Variants in RPTOR observed in about 807,000 individuals in gnomAD.
RPTOR encodes regulatory associated protein of MTOR complex 1.
A neutral mutation model predicts 169.9 loss-of-function variants in RPTOR; 21 were observed. That is an observed-to-expected ratio of 0.12 (90% CI 0.09 to 0.18). The LOEUF (loss-of-function observed/expected upper bound fraction) is 0.18. Among genes scored for constraint, RPTOR ranks in the 10% least tolerant of loss-of-function variants. The pLI is 1.00. For missense variants in RPTOR, 1,133 were observed against 1,855.9 expected, an observed-to-expected ratio of 0.61 and a Z score of 7.16; for synonymous variants, 732 against 753.2, an observed-to-expected ratio of 0.97 and a Z score of 0.46.
At chr17:80,561,045 G>A (rs934472669) in intron 1 of RPTOR, among the ~76,000 whole-genome samples, 4 of 151,898 alleles carry the variant, frequency 2.6e-5, no homozygotes, top group Non-Finnish European at 5.9e-5. Context: ...TTTAAAGCAG[G>A]GTGGTGACAT....
Position 80,696,769 on chromosome 17 carries a change from C to G in RPTOR, c.349-11072C>G, listed in dbSNP as rs571453818. 4.6e-5 allele frequency among the ~76,000 whole-genome samples: 7 copies of G among 152,330 alleles called. No homozygotes were observed. In the South Asian group the frequency reaches 6.2e-4, roughly 14 times the overall value. ...CGAGTGTGGGATCCAGCCAGCCCCC[C>G]CAAGCACCAATACAGGAGCAAACTC... is the stretch of plus-strand genomic sequence containing the variant. On this transcript the variant is annotated intron_variant, in intron 3 of 33. Transcript: ENST00000306801.
chr17:80,883,755 A>G (rs748090764), intron 15 of RPTOR, 26 bp from the exon 16 acceptor site: 1 of 1,611,572 alleles, frequency 6.2e-7, no homozygotes, highest in Non-Finnish European at 8.5e-7. Context: ...GCAGAGGCCA[A>G]CCTGTCTGTG....
chr17:80,834,349 A>T (rs570526519), intron 9 of RPTOR, among the ~76,000 whole-genome samples: 92 of 152,190 alleles, frequency 6.0e-4, no homozygotes, highest in Admixed American at 2.6e-3. Flanking sequence ...TCTCATGTAG[A>T]CAGCTCTGCC....
intron 1 of RPTOR, among the ~76,000 whole-genome samples, chr17:80,578,219 G>A (rs1203448920): frequency 6.6e-6 from 1 of 152,174 alleles, no homozygotes; most frequent in Non-Finnish European, 1.5e-5. Context: ...AGTGGTTGGG[G>A]GGGTGGTACA....
chr17:80,893,884 T>C lies in RPTOR; in HGVS notation c.2401+19T>C. The stretch of plus-strand genomic sequence containing the variant: ...CTCATCGGTGAGTCCGCCTGCCCCT[T>C]TCTGCTTCCGAGGGGCCCCGAGGGT... On this transcript the variant is annotated intron_variant, in intron 20 of 33. Transcript: ENST00000306801. 6.6e-7 allele frequency: 1 copy of C among 1,509,966 alleles called. No individual in the cohort carries two copies. The allele number at this position is 1,509,966 out of a possible 1,614,324, so 93.5% of individuals were successfully genotyped here.
intron 7 of RPTOR, among the ~76,000 whole-genome samples, chr17:80,811,960 ACC>A (rs2067278204): frequency 6.7e-6 from 1 of 149,598 alleles, no homozygotes. Flanking sequence ...ACCTCACTCC[ACC>A]CGTGGGACAC....
At chr17:80,909,010 C>A in intron 21 of RPTOR, 81 bp downstream of exon 21, 1 of 921,824 alleles carries the variant, frequency 1.1e-6, no homozygotes, top group Non-Finnish European at 1.8e-6. Context: ...CCAGGTGTGC[C>A]CGGGTCCACA....
At chr17:80,733,260 G>T (rs62067922) in intron 5 of RPTOR, among the ~76,000 whole-genome samples, 1 of 152,154 alleles carries the variant, frequency 6.6e-6, no homozygotes, top group Non-Finnish European at 1.5e-5. Context: ...CTGTCACTCA[G>T]TAATCCTTCT....
At position 80,965,751 on chromosome 17, in the gene RPTOR, CAG is replaced by C. The variant is rs1478201242; in HGVS notation, c.*1422_*1423del. On this transcript the variant is annotated 3_prime_UTR_variant, in exon 34 of 34. Transcript: ENST00000306801. ...TTTGGCCAGAGACACACCTGGCCCT[CAG>C]GGGGCTGAGCTGGAGACTGAGCTGG... The C allele has an allele frequency of 3.4e-5, 8 of 233,258 alleles. No homozygotes were observed. The highest frequency in any genetic ancestry group is 1.2e-4 in the East Asian group (2 of 16,610). The allele number at this position is 233,258 out of a possible 1,614,324, so 14.4% of individuals were successfully genotyped here.
chr17:80,859,237 G>A (rs2067890148), intron 13 of RPTOR, among the ~76,000 whole-genome samples: 2 of 152,242 alleles, frequency 1.3e-5, no homozygotes, highest in Non-Finnish European at 2.9e-5. Context: ...AGGAAAATGT[G>A]GAAGGCTCAG....
rs1249250528 is a variant in RPTOR at position 80,710,567 on chromosome 17, T to TTGTGTGTGTG, written c.507+2571_507+2572insGTGTGTGTGT. ...ATGTTGATTTGCCTCCCTTGGTTAT[T>TTGTGTGTGTG]TGTATGTGTGTGTGTGTGTGTGTGT... On this transcript the variant is annotated intron_variant, in intron 4 of 33. Transcript: ENST00000306801. Among the ~76,000 whole-genome samples the TTGTGTGTGTG allele has an allele frequency of 7.4e-3, 824 of 110,636 alleles. 11 individuals carry two copies. Among genetic ancestry groups the TTGTGTGTGTG allele is most frequent in the African/African-American group, 0.025 (786 of 31,820 alleles). 72.6% of individuals were successfully genotyped at this position (110,636 alleles called of 152,430 possible).
chr17:80,677,921 A>G (rs534099266), intron 3 of RPTOR, among the ~76,000 whole-genome samples: 1 of 152,330 alleles, frequency 6.6e-6, no homozygotes, highest in Admixed American at 6.5e-5. Context: ...CTTCTAGAAA[A>G]TAAGGGATGG....
chr17:80,944,245 T>C (rs565993140), intron 25 of RPTOR, among the ~76,000 whole-genome samples: 1 of 152,172 alleles, frequency 6.6e-6, no homozygotes, highest in African/African-American at 2.4e-5. Flanking sequence ...TAGTTACCAT[T>C]CTAGACTGAA....
intron 3 of RPTOR, among the ~76,000 whole-genome samples, chr17:80,698,353 A>G (rs1471788): frequency 0.17 from 26,466 of 151,264 alleles, 3,705 homozygotes; most frequent in African/African-American, 0.39. Flanking sequence ...AGGTACAGCA[A>G]CCACGTGGAG....
chr17:80,617,082 C>G (rs917659489), intron 1 of RPTOR, among the ~76,000 whole-genome samples: 1 of 152,144 alleles, frequency 6.6e-6, no homozygotes, highest in Admixed American at 6.5e-5. Context: ...CTTCTGCCCC[C>G]CCATGCTTAT....
At chr17:80,884,981 T>C (rs1438999986) in intron 16 of RPTOR, 27 bp from the exon 17 acceptor site, 4 of 1,600,458 alleles carry the variant, frequency 2.5e-6, no homozygotes, top group Non-Finnish European at 3.4e-6. Context: ...GTGTGGGACA[T>C]GCCTGTGACC....
rs76768455 is a variant in RPTOR, at chr17:80,563,904, C to T, written c.162+18113C>T. Among the ~76,000 whole-genome samples, 300 of 152,282 alleles carry T rather than the reference C, an allele frequency of 2.0e-3. 1 individual carries two copies. Among genetic ancestry groups the T allele is most frequent in the African/African-American group, 7.0e-3 (290 of 41,548 alleles). ...GTGACCTTACTTTTGCTTTTGGTTT[C>T]TCTCGCTCAGCATTGTCTGTGAGAT... On this transcript the variant is annotated intron_variant, in intron 1 of 33. Coordinates refer to ENST00000306801, the MANE Select transcript of RPTOR (RefSeq NM_020761.3).
At chr17:80,818,687 AGTC>A (rs2067348575) in intron 7 of RPTOR, among the ~76,000 whole-genome samples, 1 of 152,182 alleles carries the variant, frequency 6.6e-6, no homozygotes, top group African/African-American at 2.4e-5. Context: ...GTCTGTCTGA[AGTC>A]GGCTGGGCAG....
intron 1 of RPTOR, among the ~76,000 whole-genome samples, chr17:80,600,049 G>T (rs978032673): frequency 1.3e-5 from 2 of 152,106 alleles, no homozygotes; most frequent in Non-Finnish European, 2.9e-5. Context: ...TCTGGACTGG[G>T]CTGTGAGCTC....
Sources: allele counts gnomAD v4.1 joint callset (sites outside exome capture counted in the v4.1 genomes callset), GRCh38; gene constraint gnomAD v4.1.1; transcripts MANE v1.5; gene names NCBI Gene and HGNC (gene_info 2026-07-23, HGNC 2026-07-21).